The following RANBP2 variants were observed in gnomAD, a reference collection of about 807,000 sequenced individuals.
RANBP2 encodes RAN binding protein 2, also known as E3 SUMO-protein ligase RanBP2.
A neutral mutation model predicts 303.6 loss-of-function variants in RANBP2; 57 were observed. That is an observed-to-expected ratio of 0.19 (90% confidence interval 0.15 to 0.23). RANBP2 has a LOEUF of 0.23. RANBP2 is among the 10% of genes least tolerant of loss of function. The pLI, the probability that RANBP2 is intolerant of heterozygous loss-of-function variation, is 1.00. For missense variants in RANBP2, 3,138 were observed against 3,780.8 expected (o/e 0.83, Z 4.46); for synonymous variants, 1,167 against 1,301.5 (o/e 0.90, Z 2.23).
At chr2:109,012,831 G>A in the RANBP2 span, among the ~76,000 whole-genome samples, 161 of 152,256 alleles carry the variant, frequency 1.1e-3, no homozygotes, top group African/African-American at 3.5e-3. Context: ...GGAGAATGGC[G>A]TGGACCTGGG....
chr2:109,163,860 A>G, the RANBP2 span, among the ~76,000 whole-genome samples: 2 of 152,150 alleles, frequency 1.3e-5, no homozygotes, highest in African/African-American at 4.8e-5. Context: ...GTCTATTACC[A>G]ACTATTTGTG....
rs1373156299 is a variant in RANBP2, at chr2:108,749,107, A to G, written c.1251A>G (p.Glu417=). The G allele has an allele frequency of 2.5e-6, 4 of 1,612,012 alleles. No individual in the cohort carries two copies. Among genetic ancestry groups the G allele is most frequent in the Non-Finnish European group, 1.7e-6 (2 of 1,179,860 alleles). Residue 417 remains glutamate, a synonymous_variant, in exon 9 of 29, where the codon GAA becomes GAG. Transcript: ENST00000283195. ...GNIDVREPEL[E]DLTRYDVGAI... Reference sequence around the variant, plus strand: ...TTGATGTACGAGAACCAGAGCTTGAAGATTTGACTAGATACGATGTTGGTA... The same window carrying G: ...TTGATGTACGAGAACCAGAGCTTGAGGATTTGACTAGATACGATGTTGGTA...
At chr2:108,946,910 T>C in the RANBP2 span, among the ~76,000 whole-genome samples, 2 of 152,116 alleles carry the variant, frequency 1.3e-5, no homozygotes, top group Non-Finnish European at 2.9e-5. Context: ...TTTTTCACAT[T>C]TCAAAACCAA....
At chr2:109,091,221 T>G in the RANBP2 span, among the ~76,000 whole-genome samples, 2 of 151,922 alleles carry the variant, frequency 1.3e-5, no homozygotes, top group Non-Finnish European at 2.9e-5. Context: ...CAGAGCAAGA[T>G]TCTGTCTCTT....
At chr2:109,051,417 G>A in the RANBP2 span, among the ~76,000 whole-genome samples, 2 of 152,134 alleles carry the variant, frequency 1.3e-5, no homozygotes, top group East Asian at 3.9e-4. Context: ...TCTTTTCCTG[G>A]AAGGGAATTT....
At chr2:108,986,058 T>C in the RANBP2 span, among the ~76,000 whole-genome samples, 1 of 152,152 alleles carries the variant, frequency 6.6e-6, no homozygotes, top group Non-Finnish European at 1.5e-5. Context: ...GGGTAATGCT[T>C]TGTGACACTC....
chr2:109,263,793 C>T, the RANBP2 span, among the ~76,000 whole-genome samples: 3 of 152,052 alleles, frequency 2.0e-5, no homozygotes, highest in Admixed American at 6.6e-5. Flanking sequence ...TGTGAAATGC[C>T]GTCTCTACTA....
chr2:109,613,881 T>C, the RANBP2 span: 8 of 1,224,644 alleles, frequency 6.5e-6, no homozygotes, highest in Non-Finnish European at 8.1e-6. Context: ...CCCGAGCGGC[T>C]GGTCCCGGCG....
At chr2:109,649,235 A>C in the RANBP2 span, among the ~76,000 whole-genome samples, 11 of 152,196 alleles carry the variant, frequency 7.2e-5, no homozygotes, top group African/African-American at 2.7e-4. Flanking sequence ...TGAAAAATTG[A>C]TTGCAAAACT....
chr2:108,811,652 G>A, the RANBP2 span, among the ~76,000 whole-genome samples: 17 of 152,162 alleles, frequency 1.1e-4, no homozygotes, highest in African/African-American at 3.4e-4. Context: ...TACATGTGCA[G>A]CTTTGTTACA....
the RANBP2 span, among the ~76,000 whole-genome samples, chr2:109,390,454 C>T: frequency 1.3e-5 from 2 of 152,242 alleles, no homozygotes; most frequent in South Asian, 4.1e-4. Context: ...TTATTTAGTC[C>T]TGGAATCTTC....
the RANBP2 span, among the ~76,000 whole-genome samples, chr2:109,090,336 A>ACACACACACACACC: frequency 3.2e-4 from 46 of 143,664 alleles, no homozygotes; most frequent in Admixed American, 1.2e-3. Flanking sequence ...ACACACACAC[A>ACACACACACACACC]CACACACACA....
At chr2:109,178,468 GA>G in the RANBP2 span, among the ~76,000 whole-genome samples, 1 of 152,148 alleles carries the variant, frequency 6.6e-6, no homozygotes, top group Admixed American at 6.5e-5. Context: ...GTCCTCCAGA[GA>G]TATTATACTT....
chr2:108,982,604 C>T, the RANBP2 span, among the ~76,000 whole-genome samples: 3 of 152,230 alleles, frequency 2.0e-5, no homozygotes, highest in South Asian at 2.1e-4. Flanking sequence ...CCATTTCCCT[C>T]GCACATGCCA....
intron 7 of RANBP2, among the ~76,000 whole-genome samples, chr2:108,743,201 C>T (rs933897593): frequency 2.6e-5 from 4 of 152,184 alleles, no homozygotes; most frequent in African/African-American, 4.8e-5. Context: ...CTCACTGTAA[C>T]GTTGAACTGG....
the RANBP2 span, among the ~76,000 whole-genome samples, chr2:109,562,030 G>T: frequency 6.6e-6 from 1 of 151,762 alleles, no homozygotes; most frequent in Non-Finnish European, 1.5e-5. Context: ...GGCCAACATG[G>T]TGAAACCCTG....
chr2:109,579,889 G>A, the RANBP2 span, among the ~76,000 whole-genome samples: 2 of 151,870 alleles, frequency 1.3e-5, no homozygotes, highest in Non-Finnish European at 1.5e-5. Flanking sequence ...GGGAAGCTAA[G>A]GCGTGTGGAT....
chr2:109,249,163 T>C, the RANBP2 span, among the ~76,000 whole-genome samples: 1 of 152,206 alleles, frequency 6.6e-6, no homozygotes, highest in Admixed American at 6.5e-5. Flanking sequence ...ATTACAGGTG[T>C]GGGCCACCAC....
At chr2:109,037,434 A>T in the RANBP2 span, among the ~76,000 whole-genome samples, 3 of 152,152 alleles carry the variant, frequency 2.0e-5, no homozygotes, top group Non-Finnish European at 4.4e-5. Flanking sequence ...CTCTAATTCA[A>T]CATAGTGCTA....
Sources: allele counts gnomAD v4.1 joint callset (sites outside exome capture counted in the v4.1 genomes callset), GRCh38; gene constraint gnomAD v4.1.1; transcripts MANE v1.5; gene names NCBI Gene and HGNC (gene_info 2026-07-23, HGNC 2026-07-21).